Variants in EPM2A observed in about 807,000 individuals in gnomAD.
EPM2A encodes the protein EPM2A glucan phosphatase, laforin.
In EPM2A, 21 loss-of-function variants were observed where a neutral mutation model predicts 26.5. The observed-to-expected ratio is 0.79, with a 90% CI of 0.56 to 1.14. The LOEUF is 1.14. Among genes scored for constraint, EPM2A ranks in the 50% most tolerant of loss-of-function variants. EPM2A has a pLI of 0.00. For synonymous variants in EPM2A, 217 were observed against 177.6 expected (o/e 1.22, Z -1.76); for missense variants, 458 against 440.8 (o/e 1.04, Z -0.35).
intron 2 of EPM2A, among the ~76,000 whole-genome samples, chr6:145,562,822 GA>G (rs1562383425): frequency 6.6e-6 from 1 of 151,760 alleles, no homozygotes; most frequent in Non-Finnish European, 1.5e-5. Context: ...CTATGATGTG[GA>G]AAATGGTGAT....
At chr6:145,582,681 C>A (rs921664629) in intron 2 of EPM2A, among the ~76,000 whole-genome samples, 1 of 152,088 alleles carries the variant, frequency 6.6e-6, no homozygotes, top group Admixed American at 6.5e-5. Flanking sequence ...CTGGGTTTCC[C>A]GAATTCAAAT....
At chr6:145,443,095 T>A (rs1005044188) in intron 4 of EPM2A, among the ~76,000 whole-genome samples, 4 of 152,068 alleles carry the variant, frequency 2.6e-5, no homozygotes, top group Non-Finnish European at 5.9e-5. Flanking sequence ...ATGGTCTCGA[T>A]CTCCTGACCT....
intron 1 of EPM2A, among the ~76,000 whole-genome samples, chr6:145,691,573 C>T (rs1781283325): frequency 6.6e-6 from 1 of 151,954 alleles, no homozygotes; most frequent in South Asian, 2.1e-4. Context: ...AACATTCTAA[C>T]ATTGTCTGAT....
chr6:145,450,432 T>A (rs1779182934), intron 4 of EPM2A, among the ~76,000 whole-genome samples: 2 of 151,384 alleles, frequency 1.3e-5, no homozygotes, highest in African/African-American at 4.8e-5. Flanking sequence ...ATGCAGACTC[T>A]ATTAATCCAG....
chr6:145,490,873 C>T, intron 4 of EPM2A: 1 of 686,744 alleles, frequency 1.5e-6, no homozygotes, highest in Non-Finnish European at 2.6e-6. Context: ...TTTGATGATA[C>T]TTGCTGGTAA....
intron 2 of EPM2A, among the ~76,000 whole-genome samples, chr6:145,648,159 A>T (rs1777623418): frequency 6.6e-6 from 1 of 152,186 alleles, no homozygotes. Flanking sequence ...GTTAAAAATG[A>T]TTATATACTT....
Position 145,488,947 on chromosome 6 carries a change from T to A in EPM2A, c.555+13575A>T, listed in dbSNP as rs111842179. ...TGTTATTATAGGCAAAAATATAAAG[T>A]ACTATAGCATTGGCTGCATTGCTCC... On this transcript the variant is annotated intron_variant, in intron 4 of 4. Transcript: ENST00000638717. Among the ~76,000 whole-genome samples the A allele has an allele frequency of 5.0e-4, 76 of 152,258 alleles. 2 individuals are homozygous for A. The Middle Eastern group carries it at 0.027, about 55-fold the overall frequency.
chr6:145,490,185 A>C, intron 4 of EPM2A: 2 of 1,038,706 alleles, frequency 1.9e-6, no homozygotes, highest in Non-Finnish European at 2.9e-6. Context: ...AGACGCTCTG[A>C]AATAGTGTCA....
intron 4 of EPM2A, among the ~76,000 whole-genome samples, chr6:145,396,757 T>C (rs1778410537): frequency 1.3e-5 from 2 of 152,202 alleles, no homozygotes; most frequent in South Asian, 4.1e-4. Flanking sequence ...CCCATGGATG[T>C]AAATATGTTC....
At chr6:145,439,667 G>GT (rs1779036426) in intron 4 of EPM2A, among the ~76,000 whole-genome samples, 2 of 151,960 alleles carry the variant, frequency 1.3e-5, no homozygotes, top group Non-Finnish European at 2.9e-5. Flanking sequence ...GAGGTTGTTT[G>GT]TTTTTTGCTT....
At chr6:145,439,976 T>A (rs1194492691) in intron 4 of EPM2A, among the ~76,000 whole-genome samples, 1 of 152,208 alleles carries the variant, frequency 6.6e-6, no homozygotes, top group African/African-American at 2.4e-5. Flanking sequence ...TTAATCCACA[T>A]TGAGTTGTTT....
rs553377271 is a variant in EPM2A, at chr6:145,710,685, G to A, written c.302-24389C>T. ...ACACATGCACATGTATGTTTATTGC[G>A]GCATTATTCACAATAGCAAAGACTT... On this transcript the variant is annotated intron_variant, in intron 1 of 3. Transcript: ENST00000367519. Among the ~76,000 whole-genome samples the A allele has an allele frequency of 5.9e-5, 9 of 152,052 alleles. No individual in the cohort carries two copies. In the South Asian group the frequency reaches 1.7e-3, roughly 28 times the overall value.
At position 145,635,102 on chromosome 6, in the gene EPM2A, T is replaced by G. The variant is rs1170861977; in HGVS notation, c.718+143A>C. The stretch of plus-strand genomic sequence containing the variant: ...ATCTTAGCCACAGTGTCAAAACATA[T>G]GTATTATATATATTAAATCTAAAAT... On this transcript the variant is annotated intron_variant, in intron 3 of 3. Coordinates refer to ENST00000367519, the MANE Select transcript of EPM2A (RefSeq NM_005670.4). 4.5e-6 allele frequency: 4 copies of G among 886,066 alleles called. No homozygotes were observed. The Admixed American group carries it at 9.7e-5, about 22-fold the overall frequency. 54.9% of individuals were successfully genotyped at this position (886,066 alleles called of 1,614,324 possible).
chr6:145,552,904 T>C (rs1780674736), intron 2 of EPM2A, among the ~76,000 whole-genome samples: 1 of 152,138 alleles, frequency 6.6e-6, no homozygotes. Context: ...GAATATAGCA[T>C]GTGCCAATTA....
chr6:145,473,130 C>T (rs1195066924), intron 4 of EPM2A, among the ~76,000 whole-genome samples: 5 of 151,636 alleles, frequency 3.3e-5, no homozygotes, highest in South Asian at 2.1e-4. Context: ...GTAACTGTGT[C>T]GAGGAAACTC....
chr6:145,421,573 A>T (rs993131230), intron 4 of EPM2A, among the ~76,000 whole-genome samples: 2 of 151,950 alleles, frequency 1.3e-5, no homozygotes, highest in Non-Finnish European at 2.9e-5. Context: ...GAAGTTGTTT[A>T]AAAAAAATTT....
intron 2 of EPM2A, chr6:145,671,338 CA>C: frequency 9.9e-7 from 1 of 1,008,142 alleles, no homozygotes; most frequent in South Asian, 3.9e-5. Flanking sequence ...TCTTGAGCTA[CA>C]AAAATGAGGG....
At chr6:145,729,664 T>A (rs192274455) in intron 1 of EPM2A, among the ~76,000 whole-genome samples, 1 of 152,202 alleles carries the variant, frequency 6.6e-6, no homozygotes, top group African/African-American at 2.4e-5. Flanking sequence ...TGGTTTTGAT[T>A]TTACAGGCTC....
intron 4 of EPM2A, among the ~76,000 whole-genome samples, chr6:145,426,768 G>C (rs1778859254): frequency 1.3e-5 from 2 of 152,044 alleles, no homozygotes; most frequent in Admixed American, 1.3e-4. Context: ...TTTACATGTG[G>C]CTTTTCCATT....
Sources: gnomAD v4.1 joint callset for allele counts (sites outside exome capture counted in the v4.1 genomes callset) on GRCh38, gnomAD v4.1.1 for gene constraint, MANE v1.5 for transcripts, NCBI Gene and HGNC (gene_info 2026-07-23, HGNC 2026-07-21) for gene names.